Variants in MBOAT1 observed in about 807,000 individuals in gnomAD.
MBOAT1 encodes membrane bound glycerophospholipid O-acyltransferase 1, also known as membrane-bound glycerophospholipid O-acyltransferase 1.
Under a neutral mutation model 64.4 loss-of-function variants are expected in MBOAT1, and 67 were observed. The observed-to-expected ratio is 1.04, with a 90% CI of 0.85 to 1.27. The LOEUF is 1.27. MBOAT1 is among the 50% of genes most tolerant of loss of function. The pLI is 0.00. For missense variants in MBOAT1, 563 were observed against 604.6 expected (o/e 0.93, Z 0.72); for synonymous variants, 229 against 218.9 (o/e 1.05, Z -0.41).
At position 20,124,425 on chromosome 6, in the gene MBOAT1, T is replaced by TA; in HGVS notation, c.889dup (p.Tyr297LeufsTer8). The TA allele has an allele frequency of 1.9e-6, 3 of 1,614,036 alleles. No individual in the cohort carries two copies. The highest frequency in any genetic ancestry group is 2.5e-6 in the Non-Finnish European group (3 of 1,179,954). Reference sequence around the variant, plus strand: ...AAACTTACCTAATGTCCATGCAAAGTAATACTTGGGCTTTGAGGCTTGCAT... The same window carrying TA: ...AAACTTACCTAATGTCCATGCAAAGTAAATACTTGGGCTTTGAGGCTTGCAT... On this transcript the variant is annotated frameshift_variant, in exon 8 of 13. Transcript: ENST00000324607. LOFTEE classifies it high-confidence loss of function.
intron 2 of MBOAT1, 53 bp from the exon 3 acceptor site, chr6:20,151,315 C>T: frequency 1.5e-6 from 2 of 1,328,820 alleles, no homozygotes; most frequent in South Asian, 1.2e-5. Context: ...CATATTAACA[C>T]AGCTATTGGT....
chr6:20,103,389 TACC>T (rs746771238), intron 12 of MBOAT1, among the ~76,000 whole-genome samples: 11 of 152,194 alleles, frequency 7.2e-5, no homozygotes, highest in Non-Finnish European at 1.5e-4. Flanking sequence ...TGTATACCTG[TACC>T]ACGTTTTTGT....
intron 1 of MBOAT1, among the ~76,000 whole-genome samples, chr6:20,177,832 T>G (rs1412066736): frequency 6.6e-6 from 1 of 150,392 alleles, no homozygotes; most frequent in African/African-American, 2.4e-5. Flanking sequence ...TATCCTAAAA[T>G]GTTTGCTTTC....
chr6:20,188,796 C>T (rs1762725107), intron 1 of MBOAT1, among the ~76,000 whole-genome samples: 1 of 152,128 alleles, frequency 6.6e-6, no homozygotes, highest in South Asian at 2.1e-4. Context: ...GGGCCAGTCA[C>T]TTGTGTAGTC....
intron 1 of MBOAT1, among the ~76,000 whole-genome samples, chr6:20,185,287 G>T (rs1258051311): frequency 6.6e-6 from 1 of 152,106 alleles, no homozygotes; most frequent in Non-Finnish European, 1.5e-5. Flanking sequence ...AATGTGATGG[G>T]TAATTTCATA....
intron 1 of MBOAT1, among the ~76,000 whole-genome samples, chr6:20,209,072 G>A (rs77417538): frequency 0.039 from 5,911 of 152,260 alleles, 399 homozygotes; most frequent in African/African-American, 0.13. Flanking sequence ...GGAAAGAAAA[G>A]TGCTTGCCCA....
chr6:20,124,361 A>G, intron 8 of MBOAT1, 47 bp downstream of exon 8: 1 of 1,570,818 alleles, frequency 6.4e-7, no homozygotes. Flanking sequence ...CCATTCAAGC[A>G]GTAGCATTTT....
Position 20,152,777 on chromosome 6 carries a change from A to G in MBOAT1, c.100-8T>C. ...GCATACCACAAAATTCACCTGTGGCAGGGGAAGAGAAAATAAAAACCTTTG... is the reference window on the plus strand; with the variant it reads ...GCATACCACAAAATTCACCTGTGGCGGGGGAAGAGAAAATAAAAACCTTTG... On this transcript the variant is annotated splice_region_variant and splice_polypyrimidine_tract_variant and intron_variant, in intron 1 of 12. Coordinates refer to ENST00000324607, the MANE Select transcript of MBOAT1 (RefSeq NM_001080480.3). The G allele has an allele frequency of 6.3e-7, 1 of 1,593,560 alleles. No individual in the cohort carries two copies.
intron 5 of MBOAT1, among the ~76,000 whole-genome samples, chr6:20,130,635 G>A (rs1285461044): frequency 2.0e-5 from 3 of 151,712 alleles, no homozygotes; most frequent in Non-Finnish European, 1.5e-5. Flanking sequence ...TTACAGGTGT[G>A]AGCCACCGTG....
intron 4 of MBOAT1, among the ~76,000 whole-genome samples, chr6:20,139,401 G>A (rs562626784): frequency 7.9e-5 from 12 of 152,154 alleles, no homozygotes; most frequent in East Asian, 1.9e-4. Flanking sequence ...ACGGTGCCCC[G>A]CCCAATGTGA....
intron 1 of MBOAT1, among the ~76,000 whole-genome samples, chr6:20,189,706 C>T (rs1212765417): frequency 1.3e-5 from 2 of 151,684 alleles, no homozygotes; most frequent in Non-Finnish European, 3.0e-5. Context: ...AACCCTAGCT[C>T]CTGGTAACCA....
intron 1 of MBOAT1, among the ~76,000 whole-genome samples, chr6:20,172,471 G>A (rs761141221): frequency 2.0e-4 from 31 of 151,848 alleles, no homozygotes; most frequent in Non-Finnish European, 4.1e-4. Flanking sequence ...TGATTCCTAG[G>A]GATGGCTATA....
intron 1 of MBOAT1, among the ~76,000 whole-genome samples, chr6:20,192,995 CTTTTT>C (rs1174816793): frequency 0.026 from 1,426 of 54,790 alleles, 3 homozygotes; most frequent in Middle Eastern, 0.053. Flanking sequence ...GCTATAATTT[CTTTTT>C]TTTTTTTTTT....
intron 1 of MBOAT1, among the ~76,000 whole-genome samples, chr6:20,210,476 A>T (rs568956332): frequency 6.6e-6 from 1 of 152,070 alleles, no homozygotes; most frequent in South Asian, 2.1e-4. Context: ...GGTCATCCAC[A>T]CTCACTCCTG....
At chr6:20,192,482 T>C (rs2113757702) in intron 1 of MBOAT1, among the ~76,000 whole-genome samples, 1 of 152,316 alleles carries the variant, frequency 6.6e-6, no homozygotes, top group East Asian at 1.9e-4. Flanking sequence ...AGAACACATT[T>C]AAGACCAAGA....
rs558698063 is a variant in MBOAT1 at position 20,146,533 on chromosome 6, A to C, written c.324-2218T>G. ...TAACTCCCTTAGGAGTTGAAGCAGA[A>C]GTGGAATGAAGTTAGGCCTTGTCAT... On this transcript the variant is annotated intron_variant, in intron 3 of 12. Transcript: ENST00000324607. Among the ~76,000 whole-genome samples the C allele has an allele frequency of 9.8e-5, 15 of 152,374 alleles. 1 individual carries two copies. The South Asian group carries it at 2.7e-3, about 27-fold the overall frequency.
chr6:20,108,242 C>A (rs1441434317), intron 12 of MBOAT1, among the ~76,000 whole-genome samples: 2 of 152,188 alleles, frequency 1.3e-5, no homozygotes, highest in Non-Finnish European at 2.9e-5. Context: ...TCAATGGCCA[C>A]ACATGTTGGG....
intron 10 of MBOAT1, 88 bp from the exon 11 acceptor site, chr6:20,113,096 A>G: frequency 2.7e-6 from 4 of 1,489,956 alleles, no homozygotes; most frequent in Non-Finnish European, 3.6e-6. Context: ...GACCATGCAG[A>G]AAGCATTTGG....
At chr6:20,156,803 C>T (rs1476364770) in intron 1 of MBOAT1, among the ~76,000 whole-genome samples, 2 of 152,156 alleles carry the variant, frequency 1.3e-5, no homozygotes, top group Non-Finnish European at 2.9e-5. Context: ...TGAAACTTTG[C>T]TGAAGTTGCC....
Sources: gnomAD v4.1 joint callset for allele counts (sites outside exome capture counted in the v4.1 genomes callset) on GRCh38, gnomAD v4.1.1 for gene constraint, MANE v1.5 for transcripts, NCBI Gene and HGNC (gene_info 2026-07-23, HGNC 2026-07-21) for gene names.